The following USP42 variants were observed in gnomAD, a reference collection of about 807,000 sequenced individuals.
USP42 encodes the protein ubiquitin specific peptidase 42, also known as ubiquitin carboxyl-terminal hydrolase 42.
A neutral mutation model predicts 113.0 loss-of-function variants in USP42; 23 were observed. The observed-to-expected ratio is 0.20, with a 90% confidence interval of 0.15 to 0.29. The LOEUF (loss-of-function observed/expected upper bound fraction) is 0.29, where lower values mean the gene tolerates loss of function less well. Among genes scored for constraint, USP42 ranks in the 10% least tolerant of loss-of-function variants. The probability of loss-of-function intolerance (pLI) is 1.00; values close to 1 mark genes in which losing one functional copy is unlikely to be tolerated. For missense variants in USP42, 2,174 were observed against 1,779.8 expected, an observed-to-expected ratio of 1.22 and a Z score of -3.99; for synonymous variants, 933 against 699.0, an observed-to-expected ratio of 1.33 and a Z score of -5.28.
chr7:6,142,816 C>T, intron 7 of USP42, 116 bp from the exon 8 acceptor site: 4 of 887,136 alleles, frequency 4.5e-6, no homozygotes, highest in Non-Finnish European at 7.2e-6. Flanking sequence ...CCCAGGAGGT[C>T]GAGGCTGCAG....
intron 14 of USP42, 50 bp from the exon 15 acceptor site, chr7:6,153,706 G>A: frequency 7.0e-7 from 1 of 1,421,098 alleles, no homozygotes; most frequent in East Asian, 2.7e-5. Context: ...AATGACATGA[G>A]CCTGTCAAGC....
chr7:6,129,039 T>G (rs1780696707), intron 3 of USP42, among the ~76,000 whole-genome samples: 2 of 152,120 alleles, frequency 1.3e-5, no homozygotes, highest in African/African-American at 4.8e-5. Flanking sequence ...CTCAAACTCC[T>G]GGGCTCAGGC....
intron 12 of USP42, 60 bp downstream of exon 12, chr7:6,147,952 T>C (rs1257766654): frequency 1.3e-6 from 2 of 1,510,146 alleles, no homozygotes; most frequent in Non-Finnish European, 1.8e-6. Flanking sequence ...AACTTCAAAC[T>C]CTCAAGTTGA....
At chr7:6,134,603 G>A (rs563459258) in intron 3 of USP42, among the ~76,000 whole-genome samples, 1 of 152,254 alleles carries the variant, frequency 6.6e-6, no homozygotes, top group Non-Finnish European at 1.5e-5. Flanking sequence ...GCTGTCCGGT[G>A]CATTCGAGGC....
intron 9 of USP42, 90 bp from the exon 10 acceptor site, chr7:6,145,426 C>A: frequency 6.6e-7 from 1 of 1,504,906 alleles, no homozygotes; most frequent in Non-Finnish European, 9.1e-7. Context: ...GTGGGTCTCC[C>A]CTCCTAGGAA....
chr7:6,149,111 CGTT>C (rs2128514415), intron 12 of USP42, among the ~76,000 whole-genome samples: 1 of 152,270 alleles, frequency 6.6e-6, no homozygotes, highest in East Asian at 1.9e-4. Context: ...AATGTGGAGA[CGTT>C]GTGGGGCAGT....
At chr7:6,130,448 GCCAT>G (rs796405541) in intron 3 of USP42, among the ~76,000 whole-genome samples, 149 of 152,316 alleles carry the variant, frequency 9.8e-4, no homozygotes, top group African/African-American at 3.5e-3. Flanking sequence ...GGCTGGGGAG[GCCAT>G]AGTGGTGGCA....
chr7:6,105,585 C>T (rs1242102149), intron 1 of USP42, among the ~76,000 whole-genome samples: 1 of 152,002 alleles, frequency 6.6e-6, no homozygotes, highest in Non-Finnish European at 1.5e-5. Flanking sequence ...ACCTTGGGCG[C>T]CCCCTCCCCA....
chr7:6,136,327 C>T (rs1781147256), intron 4 of USP42, among the ~76,000 whole-genome samples: 1 of 152,024 alleles, frequency 6.6e-6, no homozygotes, highest in Non-Finnish European at 1.5e-5. Flanking sequence ...TTCTTAATGT[C>T]CAACTGGTGA....
At chr7:6,105,420 G>A (rs866153591) in intron 1 of USP42, among the ~76,000 whole-genome samples, 27 of 149,552 alleles carry the variant, frequency 1.8e-4, no homozygotes, top group African/African-American at 6.1e-4. Flanking sequence ...GGGCGGCCGG[G>A]GTGGGCGTGT....
chr7:6,150,086 G>T lies in USP42; in HGVS notation c.1890G>T (p.Thr630=). The change falls in exon 13 of 18, where the codon ACG becomes ACT. Residue 630 remains threonine, a synonymous_variant. Transcript: ENST00000306177. The stretch of plus-strand genomic sequence containing the variant: ...TGGGCAAGGAGAATGGGATTGGTAC[G>T]ATTGTGAGCTCCCACTCTCCCGGCC... ...KGLGKENGIG[T]IVSSHSPGQD... is the part of the protein sequence containing the mutation. The T allele has an allele frequency of 6.2e-7, 1 of 1,609,802 alleles. No homozygotes were observed. Among genetic ancestry groups the T allele is most frequent in the Non-Finnish European group, 8.5e-7 (1 of 1,177,918 alleles).
At chr7:6,093,035 C>CTGT in the USP42 span, 1 of 150,692 alleles carries the variant, frequency 6.6e-6, no homozygotes, top group Non-Finnish European at 1.5e-5. Context: ...ACAGTGCTCT[C>CTGT]TGTGACTGAG....
chr7:6,143,646 C>G (rs1255209300), intron 8 of USP42, among the ~76,000 whole-genome samples: 1 of 151,990 alleles, frequency 6.6e-6, no homozygotes, highest in South Asian at 2.1e-4. Flanking sequence ...ATTCCACAGA[C>G]ATTTCTAATA....
intron 2 of USP42, among the ~76,000 whole-genome samples, chr7:6,112,959 A>G (rs371476528): frequency 7.2e-6 from 1 of 138,410 alleles, no homozygotes; most frequent in Non-Finnish European, 1.5e-5. Context: ...TCTGGAATGC[A>G]GTGGCGCGAT....
At chr7:6,146,397 C>T (rs1049643826) in intron 11 of USP42, 149 bp downstream of exon 11, 30 of 622,534 alleles carry the variant, frequency 4.8e-5, no homozygotes, top group Non-Finnish European at 7.3e-5. Context: ...TGGTGCCTCA[C>T]GCCTATAATC....
chr7:6,102,102 T>G (rs1790143745), upstream of USP42, among the ~76,000 whole-genome samples: 1 of 134,070 alleles, frequency 7.5e-6, no homozygotes. Flanking sequence ...TCAGGTAGTC[T>G]CCTAAGATTT....
intron 3 of USP42, among the ~76,000 whole-genome samples, chr7:6,120,128 T>C (rs972176992): frequency 4.6e-5 from 7 of 152,154 alleles, no homozygotes; most frequent in Admixed American, 1.3e-4. Context: ...CCACGCCGGC[T>C]AATTTTTTTG....
chr7:6,117,445 A>G (rs1018017356), intron 3 of USP42, among the ~76,000 whole-genome samples: 16 of 152,120 alleles, frequency 1.1e-4, no homozygotes, highest in African/African-American at 2.9e-4. Flanking sequence ...CCATTTGTCT[A>G]TTGATGGGCA....
chr7:6,095,593 T>C, the USP42 span, among the ~76,000 whole-genome samples: 61 of 150,510 alleles, frequency 4.1e-4, 3 homozygotes, highest in African/African-American at 1.3e-3. Context: ...CACTTGAACC[T>C]GGGAGGCGGA....
Sources: gnomAD v4.1 joint callset for allele counts (sites outside exome capture counted in the v4.1 genomes callset) on GRCh38, gnomAD v4.1.1 for gene constraint, MANE v1.5 for transcripts, NCBI Gene and HGNC (gene_info 2026-07-23, HGNC 2026-07-21) for gene names.